The following KCTD5 variants were observed in gnomAD, a reference collection of about 807,000 sequenced individuals.
KCTD5 encodes the protein potassium channel tetramerization domain containing 5.
In KCTD5, 12 loss-of-function variants were observed where a neutral mutation model predicts 27.9. That is an observed-to-expected ratio of 0.43 (90% CI 0.28 to 0.70). The LOEUF is 0.70. KCTD5 is among the 30% of genes least tolerant of loss of function. KCTD5 has a pLI of 0.19. For synonymous variants in KCTD5, 147 were observed against 121.4 expected, an observed-to-expected ratio of 1.21 and a Z score of -1.39; for missense variants, 226 against 274.8, an observed-to-expected ratio of 0.82 and a Z score of 1.26.
chr16:2,688,529 G>A (rs899608449), intron 1 of KCTD5, among the ~76,000 whole-genome samples: 2 of 151,920 alleles, frequency 1.3e-5, no homozygotes, highest in Non-Finnish European at 2.9e-5. Context: ...GGGATTACAG[G>A]TGTGAGTGTA....
chr16:2,702,869 T>C (rs1041526346), intron 5 of KCTD5, among the ~76,000 whole-genome samples: 2 of 151,840 alleles, frequency 1.3e-5, no homozygotes, highest in Admixed American at 1.3e-4. Flanking sequence ...CATCCCTGAG[T>C]GCAGGGACAT....
chr16:2,701,829 T>C (rs1228725775), intron 4 of KCTD5, among the ~76,000 whole-genome samples: 1 of 152,212 alleles, frequency 6.6e-6, no homozygotes, highest in Non-Finnish European at 1.5e-5. Context: ...GCCCTGGACC[T>C]GCATTGGCCT....
intron 4 of KCTD5, 91 bp from the exon 5 acceptor site, chr16:2,702,262 G>C (rs1439635159): frequency 6.6e-7 from 1 of 1,522,344 alleles, no homozygotes; most frequent in Non-Finnish European, 9.0e-7. Context: ...TGGCTTTCGC[G>C]GTGGCAGGCG....
chr16:2,699,196 G>A (rs969487215), intron 3 of KCTD5: 11 of 455,970 alleles, frequency 2.4e-5, no homozygotes, highest in Non-Finnish European at 4.0e-5. Flanking sequence ...GACTGTCCAG[G>A]ATGTGGGGCC....
chr16:2,704,170 GCTATGGCGGCTT>G (rs2142059547), intron 5 of KCTD5, among the ~76,000 whole-genome samples: 1 of 152,340 alleles, frequency 6.6e-6, no homozygotes, highest in East Asian at 1.9e-4. Flanking sequence ...AAGTGGGGCA[GCTATGGCGGCTT>G]CTTGATGGGG....
intron 1 of KCTD5, among the ~76,000 whole-genome samples, chr16:2,687,975 T>C (rs1163506034): frequency 1.3e-5 from 2 of 151,774 alleles, no homozygotes; most frequent in Admixed American, 1.3e-4. Context: ...TTCCTTGGAG[T>C]TGGGGAGCCT....
chr16:2,697,874 T>G, intron 2 of KCTD5, 32 bp from the exon 3 acceptor site: 3 of 1,484,006 alleles, frequency 2.0e-6, no homozygotes, highest in Non-Finnish European at 1.9e-6. Context: ...TAGTTTGGTC[T>G]GGTAAAGACA....
chr16:2,693,220 T>G (rs78851439), intron 1 of KCTD5, among the ~76,000 whole-genome samples: 2 of 152,206 alleles, frequency 1.3e-5, no homozygotes, highest in African/African-American at 4.8e-5. Flanking sequence ...CCTGCCATGC[T>G]GAGGGCAGTG....
chr16:2,690,742 C>T (rs1336545901), intron 1 of KCTD5, among the ~76,000 whole-genome samples: 1 of 152,214 alleles, frequency 6.6e-6, no homozygotes, highest in Non-Finnish European at 1.5e-5. Context: ...CTTGGGCAGG[C>T]GCCGCTGATG....
chr16:2,683,179 C>G, intron 1 of KCTD5: 1 of 175,072 alleles, frequency 5.7e-6, no homozygotes, highest in Non-Finnish European at 1.2e-5. Context: ...CTTCTCTGTC[C>G]CAGGGTACTT....
intron 1 of KCTD5, chr16:2,685,507 G>A (rs2067536939): frequency 6.7e-6 from 1 of 148,970 alleles, no homozygotes; most frequent in South Asian, 2.1e-4. Context: ...TTTGCCAAAA[G>A]TGTAGTGCTA....
intron 4 of KCTD5, among the ~76,000 whole-genome samples, chr16:2,700,820 A>T (rs2067608358): frequency 6.8e-6 from 1 of 146,282 alleles, no homozygotes; most frequent in Admixed American, 6.8e-5. Context: ...CCCCCTTAAA[A>T]TGTCACTAAA....
intron 1 of KCTD5, among the ~76,000 whole-genome samples, chr16:2,689,558 C>T (rs1436355044): frequency 1.4e-5 from 2 of 145,348 alleles, no homozygotes; most frequent in Admixed American, 6.9e-5. Flanking sequence ...GCCGCAGGGC[C>T]GACCCTCTTT....
chr16:2,693,143 C>A (rs966182876), intron 1 of KCTD5, among the ~76,000 whole-genome samples: 30 of 152,238 alleles, frequency 2.0e-4, no homozygotes, highest in African/African-American at 7.2e-4. Flanking sequence ...TCACTACCCA[C>A]CCCAGGCCCC....
chr16:2,703,255 C>A (rs537405540), intron 5 of KCTD5, among the ~76,000 whole-genome samples: 2 of 152,298 alleles, frequency 1.3e-5, no homozygotes, highest in South Asian at 4.1e-4. Context: ...CAAGCAGAAT[C>A]TGACCTTGGC....
intron 1 of KCTD5, among the ~76,000 whole-genome samples, chr16:2,693,220 T>C (rs78851439): frequency 0.016 from 2,505 of 152,320 alleles, 88 homozygotes; most frequent in African/African-American, 0.056. Context: ...CCTGCCATGC[T>C]GAGGGCAGTG....
chr16:2,706,244 C>T (rs1460368154), intron 5 of KCTD5, among the ~76,000 whole-genome samples: 1 of 152,130 alleles, frequency 6.6e-6, no homozygotes, highest in African/African-American at 2.4e-5. Context: ...ACGTGGCCTC[C>T]AGGAGCCTTC....
At chr16:2,703,859 G>A (rs2067623154) in intron 5 of KCTD5, among the ~76,000 whole-genome samples, 2 of 152,162 alleles carry the variant, frequency 1.3e-5, no homozygotes, top group African/African-American at 4.8e-5. Flanking sequence ...TCTTCCATTT[G>A]AGTCTCGGAT....
At chr16:2,696,552 G>A (rs535489529) in intron 2 of KCTD5, among the ~76,000 whole-genome samples, 350 of 152,388 alleles carry the variant, frequency 2.3e-3, no homozygotes, top group African/African-American at 8.0e-3. Context: ...GCGCCCACAC[G>A]CGTTGGGCCC....
Sources: gnomAD v4.1 joint callset for allele counts (sites outside exome capture counted in the v4.1 genomes callset) on GRCh38, gnomAD v4.1.1 for gene constraint, MANE v1.5 for transcripts, NCBI Gene and HGNC (gene_info 2026-07-23, HGNC 2026-07-21) for gene names.